Variants in PPIF observed in about 807,000 individuals in gnomAD.
The protein encoded by PPIF is peptidylprolyl isomerase F.
In PPIF, 23 loss-of-function variants were observed where a neutral mutation model predicts 20.2. That is an observed-to-expected ratio of 1.14 (90% confidence interval 0.82 to 1.61). PPIF has a LOEUF of 1.61. Among genes scored for constraint, PPIF ranks in the 40% most tolerant of loss-of-function variants. PPIF has a pLI of 0.00. For synonymous variants in PPIF, 113 were observed against 123.1 expected (o/e 0.92, Z 0.54); for missense variants, 287 against 291.6 (o/e 0.98, Z 0.11).
chr10:79,352,899 C>T (rs963597757), intron 5 of PPIF, among the ~76,000 whole-genome samples: 3 of 152,240 alleles, frequency 2.0e-5, no homozygotes, highest in Admixed American at 2.0e-4. Context: ...TGTAAGGGCC[C>T]TGTTTTCAAT....
At chr10:79,352,547 G>A (rs574265892) in intron 5 of PPIF, among the ~76,000 whole-genome samples, 155 bp downstream of exon 5, 3 of 152,230 alleles carry the variant, frequency 2.0e-5, no homozygotes, top group African/African-American at 7.2e-5. Context: ...GAAAGAGAAA[G>A]TTAGTGGAAG....
chr10:79,351,675 CGTCCAGT>C, intron 4 of PPIF, 92 bp downstream of exon 4: 1 of 1,146,134 alleles, frequency 8.7e-7, no homozygotes, highest in Non-Finnish European at 1.3e-6. Flanking sequence ...ATGCAGTCAC[CGTCCAGT>C]ATCTGATGAG....
In PPIF at chr10:79,353,799, C is replaced by T; in HGVS notation, c.581C>T (p.Thr194Ile). The change falls in exon 6 of 6, where the codon ACA becomes ATA. Residue 194 changes from threonine to isoleucine, a missense_variant. By Grantham distance (89) the Thr-to-Ile change is moderately conservative. Transcript: ENST00000225174. ...TCTTTCGGCTCTAAGAGTGGGAGGACATCCAAGAAGATTGTCATCACAGAC... is the reference window on the plus strand; with the variant it reads ...TCTTTCGGCTCTAAGAGTGGGAGGATATCCAAGAAGATTGTCATCACAGAC... ...IESFGSKSGRTSKKIVITDCG... is the reference protein window; with the variant it reads ...IESFGSKSGRISKKIVITDCG... The T allele has an allele frequency of 6.2e-7, 1 of 1,614,228 alleles. No individual in the cohort carries two copies. The highest frequency in any genetic ancestry group is 8.5e-7 in the Non-Finnish European group (1 of 1,180,044).
At chr10:79,353,501 C>T in intron 5 of PPIF, 1 of 794,556 alleles carries the variant, frequency 1.3e-6, no homozygotes, top group Non-Finnish European at 2.0e-6. Context: ...ACATGAGTGA[C>T]AGAATGTGTC....
rs1025419088 is a variant in PPIF at position 79,347,516 on chromosome 10, C to CCCCGCCCGTGT, written c.-24_-14dup. On this transcript the variant is annotated 5_prime_UTR_variant, in exon 1 of 6. Transcript: ENST00000225174. ...GACGTCAGTTTGAGTTCTGTGTTCT[C>CCCCGCCCGTGT]CCCGCCCGTGTCCCGCCCGACCCGC... The CCCCGCCCGTGT allele has an allele frequency of 1.2e-4, 148 of 1,286,144 alleles. No homozygotes were observed. The East Asian group carries it at 2.0e-3, about 17-fold the overall frequency. 79.7% of individuals were successfully genotyped at this position (1,286,144 alleles called of 1,614,324 possible).
rs2094679854 is a variant in PPIF, at chr10:79,353,908, G to A, written c.*66G>A. 2.6e-6 allele frequency: 4 copies of A among 1,546,726 alleles called. No homozygotes were observed. The highest frequency in any genetic ancestry group is 1.2e-5 in the South Asian group (1 of 84,362). ...CCATGCACCCAGGTGGCCGCGTTGG[G>A]CTGTCAGCCAAGGTGCCTGAAACGA... On this transcript the variant is annotated 3_prime_UTR_variant, in exon 6 of 6. Transcript: ENST00000225174.
chr10:79,352,464 A>AG, intron 5 of PPIF, 72 bp downstream of exon 5: 1 of 1,493,660 alleles, frequency 6.7e-7, no homozygotes, highest in Admixed American at 1.7e-5. Context: ...GTGCACTTTT[A>AG]GGGGCAGGCA....
Position 79,349,685 on chromosome 10 carries a change from A to G in PPIF, c.247A>G (p.Thr83Ala), listed in dbSNP as rs1425469409. ...CTCAGAGAACTTCAGAGCCCTGTGC[A>G]CTGGTGAGAAGGGCTTCGGCTACAA... ...KTAENFRALC[T>A]GEKGFGYKGS... The change falls in exon 3 of 6, where the codon ACT becomes GCT. Residue 83 changes from threonine to alanine, a missense_variant. Coordinates refer to ENST00000225174, the MANE Select transcript of PPIF (RefSeq NM_005729.4). 2 of 1,613,702 alleles carry G rather than the reference A, an allele frequency of 1.2e-6. No individual in the cohort carries two copies. The highest frequency in any genetic ancestry group is 3.3e-5 in the Admixed American group (2 of 60,020).
Position 79,349,754 on chromosome 10 carries a change from G to A in PPIF, c.315+1G>A, listed in dbSNP as rs773455994. On this transcript the variant is annotated splice_donor_variant, in intron 3 of 5. Transcript: ENST00000225174. LOFTEE classifies it high-confidence loss of function. ...GGTGATCCCTTCCTTCATGTGCCAG[G>A]TAATGTAGTTTCCTCTTCTGTAAGG... 2 of 1,614,000 alleles carry A rather than the reference G, an allele frequency of 1.2e-6. No homozygotes were observed. The highest frequency in any genetic ancestry group is 2.2e-5 in the East Asian group (1 of 44,892).
chr10:79,353,890 C>A lies in PPIF; in HGVS notation c.*48C>A. 4 of 1,594,404 alleles carry A rather than the reference C, an allele frequency of 2.5e-6. No individual in the cohort carries two copies. Among genetic ancestry groups the A allele is most frequent in the Non-Finnish European group, 3.4e-6 (4 of 1,166,864 alleles). ...GGTGGCAGCTGCAAATGTCCATGCA[C>A]CCAGGTGGCCGCGTTGGGCTGTCAG... On this transcript the variant is annotated 3_prime_UTR_variant, in exon 6 of 6. Transcript: ENST00000225174.
Position 79,347,600 on chromosome 10 carries a change from C to A in PPIF, c.52C>A (p.Arg18Ser). 1 of 1,427,668 alleles carries A rather than the reference C, an allele frequency of 7.0e-7. No homozygotes were observed. Among genetic ancestry groups the A allele is most frequent in the Non-Finnish European group, 9.2e-7 (1 of 1,087,898 alleles). The allele number at this position is 1,427,668 out of a possible 1,614,324, so 88.4% of individuals were successfully genotyped here. ...CTGGCTCGGCCTGCTCTCCGTCCCG[C>A]GCTCCGTGCCGCTGCGCCTCCCCGC... is the stretch of plus-strand genomic sequence containing the variant. ...SRWLGLLSVP[R>S]SVPLRLPAAR... The change falls in exon 1 of 6, where the codon CGC (arginine) becomes AGC (serine). Residue 18 changes from arginine (R) to serine (S), a missense_variant. By Grantham distance (110) the Arg-to-Ser change is moderately radical (BLOSUM62 -1). Transcript: ENST00000225174.
chr10:79,351,581 C>T lies in PPIF; in HGVS notation c.410C>T (p.Pro137Leu), dbSNP rs75234626. The T allele has an allele frequency of 1.5e-4, 242 of 1,613,742 alleles. 1 individual carries two copies. In the East Asian group the frequency reaches 5.2e-3, roughly 34 times the overall value. The change falls in exon 4 of 6, where the codon CCA becomes CTA. Residue 137 changes from proline (P) to leucine (L), a missense_variant and splice_region_variant. By Grantham distance (98) the Pro-to-Leu change is moderately conservative (BLOSUM62 -3). Transcript: ENST00000225174. ...DENFTLKHVG[P>L]GVLSMANAGP... ...AACTTTACACTGAAGCACGTGGGGC[C>T]AGGTGAGTGGGGGCCTCCTCTAGGG...
At chr10:79,350,761 G>A (rs1243061327) in intron 3 of PPIF, among the ~76,000 whole-genome samples, 1 of 152,224 alleles carries the variant, frequency 6.6e-6, no homozygotes, top group Non-Finnish European at 1.5e-5. Flanking sequence ...ATCAATTAGG[G>A]AGCACCTAAT....
intron 4 of PPIF, 146 bp downstream of exon 4, chr10:79,351,729 C>G: frequency 1.5e-6 from 1 of 677,598 alleles, no homozygotes; most frequent in African/African-American, 1.8e-5. Flanking sequence ...GCTGTCTCAG[C>G]ATTTCTGGCT....
intron 4 of PPIF, 57 bp downstream of exon 4, chr10:79,351,640 GC>G: frequency 6.6e-7 from 1 of 1,523,758 alleles, no homozygotes; most frequent in Non-Finnish European, 9.1e-7. Context: ...TGGCCTGGAA[GC>G]CCCAGCAGGC....
rs1207724463 is a variant in PPIF, at chr10:79,354,931, G to C, written c.*1089G>C. ...AGCACTGGCTCCACCCTGAATCCCA[G>C]CTCCTCCCCTTAGTGACCCCAAGTC... On this transcript the variant is annotated 3_prime_UTR_variant, in exon 6 of 6. Coordinates refer to ENST00000225174, the MANE Select transcript of PPIF (RefSeq NM_005729.4). 3 of 152,398 alleles carry C rather than the reference G, an allele frequency of 2.0e-5. No individual in the cohort carries two copies. Among genetic ancestry groups the C allele is most frequent in the African/African-American group, 7.2e-5 (3 of 41,432 alleles). 9.4% of individuals were successfully genotyped at this position (152,398 alleles called of 1,614,324 possible). A position where few individuals can be genotyped will look rare whatever the true frequency, so the allele number is the denominator to read the frequency against.
Position 79,353,864 on chromosome 10 carries a change from T to G in PPIF, c.*22T>G. 1 of 1,611,462 alleles carries G rather than the reference T, an allele frequency of 6.2e-7. No homozygotes were observed. Among genetic ancestry groups the G allele is most frequent in the Non-Finnish European group, 8.5e-7 (1 of 1,178,236 alleles). ...CTAATCTGTGGCCAGGGTGCTGGCA[T>G]GGTGGCAGCTGCAAATGTCCATGCA... On this transcript the variant is annotated 3_prime_UTR_variant, in exon 6 of 6. Transcript: ENST00000225174.
rs1856012429 is a variant in PPIF, at chr10:79,353,754, A to G, written c.536A>G (p.Asp179Gly). ...TTCGGTCACGTCAAAGAGGGCATGG[A>G]CGTCGTGAAGAAAATAGAATCTTTC... ...VVFGHVKEGMDVVKKIESFGS... is the reference protein window; with the variant it reads ...VVFGHVKEGMGVVKKIESFGS... The change falls in exon 6 of 6, where the codon GAC becomes GGC. Residue 179 changes from aspartate to glycine, a missense_variant. Transcript: ENST00000225174. 1 of 1,614,238 alleles carries G rather than the reference A, an allele frequency of 6.2e-7. No homozygotes were observed. Among genetic ancestry groups the G allele is most frequent in the Non-Finnish European group, 8.5e-7 (1 of 1,180,048 alleles).
At position 79,354,277 on chromosome 10, in the gene PPIF, A is replaced by G. The variant is rs11002941; in HGVS notation, c.*435A>G. 0.025 allele frequency: 4,369 copies of G among 174,800 alleles called. 206 individuals carry two copies. The highest frequency in any genetic ancestry group is 0.099 in the African/African-American group (4,153 of 41,990). 10.8% of individuals were successfully genotyped at this position (174,800 alleles called of 1,614,324 possible). A position where few individuals can be genotyped will look rare whatever the true frequency, so the allele number is the denominator to read the frequency against. On this transcript the variant is annotated 3_prime_UTR_variant, in exon 6 of 6. Coordinates refer to ENST00000225174, the MANE Select transcript of PPIF (RefSeq NM_005729.4). ...TAATTTAATTAACAAGATTGACTAG[A>G]AGTGAAACTGCAACACTAACTTCCC... is the stretch of plus-strand genomic sequence containing the variant.
Sources: allele counts gnomAD v4.1 joint callset (sites outside exome capture counted in the v4.1 genomes callset), GRCh38; gene constraint gnomAD v4.1.1; transcripts MANE v1.5; gene names NCBI Gene and HGNC (gene_info 2026-07-23, HGNC 2026-07-21).